The following CYP4F22 variants were observed in gnomAD, a reference collection of about 807,000 sequenced individuals.
CYP4F22 encodes the protein cytochrome P450 family 4 subfamily F member 22.
Under a neutral mutation model 60.4 loss-of-function variants are expected in CYP4F22, and 37 were observed. The ratio of observed to expected loss-of-function variants is 0.61; its 90% CI spans 0.47 to 0.81. The LOEUF (loss-of-function observed/expected upper bound fraction) is 0.81, where lower values mean the gene tolerates loss of function less well. Ranked by LOEUF, CYP4F22 falls within the 30% of genes least tolerant of loss-of-function variation. CYP4F22 has a pLI of 0.00. For missense variants in CYP4F22, 655 were observed against 715.0 expected (o/e 0.92, Z 0.96); for synonymous variants, 258 against 280.5 (o/e 0.92, Z 0.80).
chr19:15,520,345 CAA>C (rs1200559538), intron 1 of CYP4F22, among the ~76,000 whole-genome samples: 2 of 72,070 alleles, frequency 2.8e-5, no homozygotes, highest in Non-Finnish European at 2.6e-5. Context: ...GCCTCCATCT[CAA>C]AAAAAAAAAA....
At chr19:15,519,399 A>C (rs934165927) in intron 1 of CYP4F22, among the ~76,000 whole-genome samples, 15 of 152,014 alleles carry the variant, frequency 9.9e-5, no homozygotes, top group Middle Eastern at 3.4e-3. Flanking sequence ...AGTAGCTGGG[A>C]CTACAGGCGC....
chr19:15,519,181 G>A, intron 1 of CYP4F22, among the ~76,000 whole-genome samples: 1 of 152,126 alleles, frequency 6.6e-6, no homozygotes, highest in East Asian at 1.9e-4. Context: ...ACAGAGGAAA[G>A]GGGGGACAAC....
At chr19:15,549,110 G>A (rs1971565813) in intron 11 of CYP4F22, 28 bp from the exon 12 acceptor site, 1 of 1,613,648 alleles carries the variant, frequency 6.2e-7, no homozygotes, top group Non-Finnish European at 8.5e-7. Flanking sequence ...GCTCCCCTTG[G>A]CCCCACTGAT....
chr19:15,527,320 A>T (rs1971294003), intron 3 of CYP4F22, among the ~76,000 whole-genome samples: 1 of 151,752 alleles, frequency 6.6e-6, no homozygotes, highest in African/African-American at 2.4e-5. Context: ...TTTGGCTCCA[A>T]CCTCCATCCT....
intron 3 of CYP4F22, 37 bp downstream of exon 3, chr19:15,525,595 T>G (rs1352528902): frequency 6.3e-7 from 1 of 1,587,578 alleles, no homozygotes; most frequent in African/African-American, 1.3e-5. Context: ...TGGGCTGGGC[T>G]GGGCATGTGC....
Position 15,548,111 on chromosome 19 carries a change from C to T in CYP4F22, c.1140C>T (p.Asp380=), listed in dbSNP as rs148521416. The T allele has an allele frequency of 3.0e-5, 49 of 1,612,866 alleles. No individual in the cohort carries two copies. In the African/African-American group the frequency reaches 3.2e-4, roughly 11 times the overall value. ...GTTATATCTCCATTCTCCCCAGGGACGATCTGACTCAGCTGCCCTTTACAA... is the reference window on the plus strand; with the variant it reads ...GTTATATCTCCATTCTCCCCAGGGATGATCTGACTCAGCTGCCCTTTACAA... ...KGRELEELEW[D]DLTQLPFTTM... The change falls in exon 11 of 14, where the codon GAC becomes GAT. Residue 380 remains aspartate (D), a synonymous_variant. Coordinates refer to ENST00000269703, the MANE Select transcript of CYP4F22 (RefSeq NM_173483.4).
intron 1 of CYP4F22, among the ~76,000 whole-genome samples, chr19:15,520,302 C>T (rs1271274682): frequency 6.8e-6 from 1 of 147,314 alleles, no homozygotes; most frequent in Non-Finnish European, 1.5e-5. Context: ...GCTGAGATCG[C>T]GCCACTGTAC....
chr19:15,534,286 C>T (rs532404526), intron 4 of CYP4F22, among the ~76,000 whole-genome samples: 3 of 152,276 alleles, frequency 2.0e-5, no homozygotes, highest in Admixed American at 6.5e-5. Flanking sequence ...GTAACATGTC[C>T]AGGCTTACAT....
chr19:15,518,292 G>A (rs1971177847), intron 1 of CYP4F22, among the ~76,000 whole-genome samples: 1 of 151,958 alleles, frequency 6.6e-6, no homozygotes, highest in East Asian at 1.9e-4. Context: ...AGCTATGATT[G>A]CACCACTGCA....
At chr19:15,532,801 G>T (rs1156846159) in intron 4 of CYP4F22, among the ~76,000 whole-genome samples, 1 of 152,202 alleles carries the variant, frequency 6.6e-6, no homozygotes, top group East Asian at 1.9e-4. Flanking sequence ...AGCAGGGGCT[G>T]TCATGTAGTA....
intron 1 of CYP4F22, among the ~76,000 whole-genome samples, chr19:15,512,153 C>T (rs1971099647): frequency 6.6e-6 from 1 of 152,114 alleles, no homozygotes; most frequent in East Asian, 1.9e-4. Context: ...CCTCATTTCA[C>T]TGAGCCGTCC....
intron 3 of CYP4F22, among the ~76,000 whole-genome samples, chr19:15,529,474 G>T (rs1339686804): frequency 6.6e-6 from 1 of 152,038 alleles, no homozygotes; most frequent in Non-Finnish European, 1.5e-5. Context: ...GGCCCATGCT[G>T]GGGCTCTTGC....
rs188106566 is a variant in CYP4F22 at position 15,511,313 on chromosome 19, G to A, written c.-109+2730G>A. 1.1e-3 allele frequency among the ~76,000 whole-genome samples: 161 copies of A among 151,864 alleles called. 1 individual carries two copies. Among genetic ancestry groups the A allele is most frequent in the African/African-American group, 3.8e-3 (158 of 41,388 alleles). On this transcript the variant is annotated intron_variant, in intron 1 of 13. Transcript: ENST00000269703. ...TAACAAAAAAATTAAAAAAAAATTA[G>A]CTGAGCATGGTGGCAGGCGCCTGTA...
At chr19:15,537,256 G>A (rs909139567) in intron 4 of CYP4F22, 105 bp from the exon 5 acceptor site, 48 of 1,436,976 alleles carry the variant, frequency 3.3e-5, no homozygotes, top group Admixed American at 8.7e-5. Context: ...AGTGGAGATC[G>A]CACCACTGCA....
At chr19:15,532,160 G>A (rs1045556025) in intron 4 of CYP4F22, among the ~76,000 whole-genome samples, 1 of 151,444 alleles carries the variant, frequency 6.6e-6, no homozygotes, top group Non-Finnish European at 1.5e-5. Flanking sequence ...TTTCTCTTCT[G>A]CCTTTTTAAT....
intron 8 of CYP4F22, 133 bp downstream of exon 8, chr19:15,540,850 C>A: frequency 1.7e-6 from 2 of 1,157,832 alleles, no homozygotes; most frequent in South Asian, 1.5e-5. Context: ...TTTGGGAGGC[C>A]AAGGCGGGAG....
chr19:15,509,857 C>CT (rs1316688718), intron 1 of CYP4F22, among the ~76,000 whole-genome samples: 2 of 59,500 alleles, frequency 3.4e-5, no homozygotes, highest in Admixed American at 2.0e-4. Flanking sequence ...CCCATCTCTC[C>CT]TTCCTTCCTT....
intron 1 of CYP4F22, among the ~76,000 whole-genome samples, 196 bp downstream of exon 1, chr19:15,508,779 G>T (rs1327149976): frequency 6.6e-6 from 1 of 152,092 alleles, no homozygotes; most frequent in Non-Finnish European, 1.5e-5. Context: ...GTGGGGAGAG[G>T]GGCACGTGGG....
At position 15,543,968 on chromosome 19, in the gene CYP4F22, C is replaced by T; in HGVS notation, c.940-3C>T. 1 of 1,613,906 alleles carries T rather than the reference C, an allele frequency of 6.2e-7. No individual in the cohort carries two copies. The highest frequency in any genetic ancestry group is 2.2e-5 in the East Asian group (1 of 44,874). On this transcript the variant is annotated splice_polypyrimidine_tract_variant and splice_region_variant and intron_variant, in intron 8 of 13. Coordinates refer to ENST00000269703, the MANE Select transcript of CYP4F22 (RefSeq NM_173483.4). The stretch of plus-strand genomic sequence containing the variant: ...GCTGAGCACCCTCTACTGCCCATTC[C>T]AGGATGAAGATGGAAAGGAACTGTC...
Sources: allele counts gnomAD v4.1 joint callset (sites outside exome capture counted in the v4.1 genomes callset), GRCh38; gene constraint gnomAD v4.1.1; transcripts MANE v1.5; gene names NCBI Gene and HGNC (gene_info 2026-07-23, HGNC 2026-07-21).